The following USP34 variants were observed in gnomAD, a reference collection of about 807,000 sequenced individuals.
The protein encoded by USP34 is ubiquitin specific peptidase 34, also known as ubiquitin carboxyl-terminal hydrolase 34.
Under a neutral mutation model 460.3 loss-of-function variants are expected in USP34, and 70 were observed. The observed-to-expected ratio is 0.15, with a 90% CI of 0.13 to 0.19. The LOEUF (loss-of-function observed/expected upper bound fraction) is 0.19. USP34 is among the 10% of genes least tolerant of loss of function. The pLI is 1.00. For synonymous variants in USP34, 1,647 were observed against 1,405.3 expected, an observed-to-expected ratio of 1.17 and a Z score of -3.85; for missense variants, 3,985 against 4,236.2, an observed-to-expected ratio of 0.94 and a Z score of 1.65.
At chr2:61,439,558 AC>A in intron 1 of USP34, among the ~76,000 whole-genome samples, 1 of 152,242 alleles carries the variant, frequency 6.6e-6, no homozygotes, top group South Asian at 2.1e-4. Context: ...GTCAGTGAGC[AC>A]CCACAGTCAG....
chr2:61,265,935 T>G (rs1689032429), intron 42 of USP34, 49 bp downstream of exon 42: 1 of 1,481,740 alleles, frequency 6.7e-7, no homozygotes, highest in African/African-American at 1.4e-5. Flanking sequence ...CAAAATCTTA[T>G]TTCTGAATTC....
chr2:61,318,216 T>G (rs755268589), intron 22 of USP34, among the ~76,000 whole-genome samples: 13 of 148,944 alleles, frequency 8.7e-5, no homozygotes, highest in Non-Finnish European at 1.8e-4. Flanking sequence ...AATGAAAATA[T>G]ATATGTGATT....
rs993358553 is a variant in USP34, at chr2:61,470,957, G to T, written c.-265C>A. On this transcript the variant is annotated 5_prime_UTR_variant, in exon 1 of 80. Coordinates refer to ENST00000398571, the MANE Select transcript of USP34 (RefSeq NM_014709.4). ...GCCGAGGCGCCGGCGGCGGGGAAGG[G>T]GGGGAAGGACGGGGGGAGGGGAGAG... Among the ~76,000 whole-genome samples the T allele has an allele frequency of 7.6e-6, 1 of 132,314 alleles. No individual in the cohort carries two copies. Among genetic ancestry groups the T allele is most frequent in the Non-Finnish European group, 1.7e-5 (1 of 60,364 alleles). 86.8% of individuals were successfully genotyped at this position (132,314 alleles called of 152,430 possible).
chr2:61,332,607 G>T (rs561708028), intron 19 of USP34, among the ~76,000 whole-genome samples: 2 of 152,024 alleles, frequency 1.3e-5, no homozygotes, highest in African/African-American at 4.8e-5. Context: ...AGCACCAAAT[G>T]ACTGCCTTTA....
intron 34 of USP34, among the ~76,000 whole-genome samples, chr2:61,285,835 G>C (rs1055445686): frequency 6.6e-6 from 1 of 152,142 alleles, no homozygotes; most frequent in Non-Finnish European, 1.5e-5. Context: ...CAGGCTACAT[G>C]ATCCTAATAT....
At chr2:61,444,620 G>T (rs1320514779) in intron 1 of USP34, among the ~76,000 whole-genome samples, 1 of 152,078 alleles carries the variant, frequency 6.6e-6, no homozygotes, top group East Asian at 1.9e-4. Context: ...GTTAACTACT[G>T]AAGACAAAAA....
At chr2:61,360,802 C>T (rs748360941) in intron 10 of USP34, among the ~76,000 whole-genome samples, 24 of 152,066 alleles carry the variant, frequency 1.6e-4, no homozygotes, top group Admixed American at 1.2e-3. Flanking sequence ...ACTACAGGGA[C>T]GTACCACCAC....
At chr2:61,332,839 C>G (rs1316538638) in intron 19 of USP34, among the ~76,000 whole-genome samples, 1 of 151,856 alleles carries the variant, frequency 6.6e-6, no homozygotes, top group Non-Finnish European at 1.5e-5. Flanking sequence ...TAATAAAGGT[C>G]CAGATTAAAC....
chr2:61,188,337 G>A lies in USP34; in HGVS notation c.10406C>T (p.Pro3469Leu), dbSNP rs371602191. 3 of 1,613,506 alleles carry A rather than the reference G, an allele frequency of 1.9e-6. No homozygotes were observed. The highest frequency in any genetic ancestry group is 2.5e-6 in the Non-Finnish European group (3 of 1,180,038). Residue 3469 changes from proline (P) to leucine (L), a missense_variant, in exon 80 of 80, where the codon CCT becomes CTT. Pro to Leu is a moderately conservative substitution (Grantham distance 98). This residue lies in a region of USP34 where 506 missense variants were observed against 439.0 expected (regional missense o/e 1.15). Coordinates refer to ENST00000398571, the MANE Select transcript of USP34 (RefSeq NM_014709.4). ...CAGAACTGCAGAGATAGAAGTAGAAGGGAACTCAGATTCTTCCTCAGCTAG... is the reference window on the plus strand; with the variant it reads ...CAGAACTGCAGAGATAGAAGTAGAAAGGAACTCAGATTCTTCCTCAGCTAG... ...STLAEEESEF[P>L]STSISAVLSD...
intron 68 of USP34, among the ~76,000 whole-genome samples, chr2:61,213,115 A>G (rs1178401497): frequency 6.6e-6 from 1 of 152,080 alleles, no homozygotes; most frequent in Non-Finnish European, 1.5e-5. Flanking sequence ...TCCTGGGCTC[A>G]AGCGATCCTC....
chr2:61,329,561 T>G (rs1384462255), intron 20 of USP34, among the ~76,000 whole-genome samples: 2 of 152,040 alleles, frequency 1.3e-5, no homozygotes, highest in East Asian at 3.9e-4. Flanking sequence ...GAATAAACTG[T>G]CAAAAAAAAT....
chr2:61,431,342 C>A (rs895540604), intron 1 of USP34, among the ~76,000 whole-genome samples: 5 of 152,154 alleles, frequency 3.3e-5, no homozygotes, highest in Non-Finnish European at 7.3e-5. Flanking sequence ...CTTGCCTCAG[C>A]CTCCCAAGTA....
intron 5 of USP34, among the ~76,000 whole-genome samples, chr2:61,387,954 C>CACAT (rs777348043): frequency 6.7e-6 from 1 of 148,680 alleles, no homozygotes; most frequent in African/African-American, 2.5e-5. Context: ...CACACACACA[C>CACAT]ACACATATAT....
rs1195665699 is a variant in USP34 at position 61,395,253 on chromosome 2, C to T, written c.553-20G>A. 7 of 1,264,928 alleles carry T rather than the reference C, an allele frequency of 5.5e-6. No individual in the cohort carries two copies. The highest frequency in any genetic ancestry group is 1.6e-5 in the African/African-American group (1 of 64,358). 78.4% of individuals were successfully genotyped at this position (1,264,928 alleles called of 1,614,324 possible). The stretch of plus-strand genomic sequence containing the variant: ...TATATCCTAATTAAAAAAAAAAAAG[C>T]AAGTAAAATTAGGTTACAACTACTA... On this transcript the variant is annotated intron_variant, in intron 3 of 79. Transcript: ENST00000398571.
intron 10 of USP34, among the ~76,000 whole-genome samples, chr2:61,365,313 G>A (rs1572971184): frequency 6.7e-6 from 1 of 149,740 alleles, no homozygotes; most frequent in East Asian, 2.0e-4. Context: ...TTATAAATGT[G>A]TGTGTGTGTG....
intron 1 of USP34, among the ~76,000 whole-genome samples, chr2:61,424,299 A>C (rs550136293): frequency 6.6e-6 from 1 of 152,240 alleles, no homozygotes; most frequent in South Asian, 2.1e-4. Flanking sequence ...AAGTATTTGC[A>C]TATCTAAACA....
intron 1 of USP34, among the ~76,000 whole-genome samples, chr2:61,427,349 G>C (rs1694542925): frequency 6.6e-6 from 1 of 152,064 alleles, no homozygotes; most frequent in Non-Finnish European, 1.5e-5. Context: ...CAAATATCTA[G>C]AAAGCCTTCC....
chr2:61,339,840 GTTTTTT>G (rs112162554), intron 16 of USP34, among the ~76,000 whole-genome samples, 159 bp from the exon 17 acceptor site: 1 of 144,026 alleles, frequency 6.9e-6, no homozygotes, highest in African/African-American at 2.6e-5. Context: ...TTTTGTTTTT[GTTTTTT>G]TTTTAAATAG....
chr2:61,395,216 T>G lies in USP34; in HGVS notation c.570A>C (p.Glu190Asp). The G allele has an allele frequency of 6.7e-7, 1 of 1,496,540 alleles. No individual in the cohort carries two copies. The highest frequency in any genetic ancestry group is 9.2e-7 in the Non-Finnish European group (1 of 1,092,330). The allele number at this position is 1,496,540 out of a possible 1,614,324, so 92.7% of individuals were successfully genotyped here. ...CACAGAATGCCCCTAATATGTTACT[T>G]TCTTGAGTTGATATATCCTAATTAA... ...HPTIEDISTQ[E>D]SNILGAFCDM... The change falls in exon 4 of 80, where the codon GAA (glutamate) becomes GAC (aspartate). Residue 190 changes from glutamate to aspartate, a missense_variant. Physicochemically the swap from Glu to Asp is conservative, Grantham distance 45 (BLOSUM62 2). Coordinates refer to ENST00000398571, the MANE Select transcript of USP34 (RefSeq NM_014709.4).
Sources: allele counts gnomAD v4.1 joint callset (sites outside exome capture counted in the v4.1 genomes callset), GRCh38; gene constraint gnomAD v4.1.1; regional missense constraint gnomAD v4.1.1; transcripts MANE v1.5; gene names NCBI Gene and HGNC (gene_info 2026-07-23, HGNC 2026-07-21).